Variants in NEK6 observed in about 807,000 individuals in gnomAD.
The protein encoded by NEK6 is serine/threonine-protein kinase Nek6.
NEK6 carries 27 observed loss-of-function variants against 43.5 expected under a neutral mutation model. The observed-to-expected ratio is 0.62, with a 90% CI of 0.46 to 0.86. NEK6 has a LOEUF of 0.86. Among genes scored for constraint, NEK6 ranks in the 40% least tolerant of loss-of-function variants. The pLI, the probability that NEK6 is intolerant of heterozygous loss-of-function variation, is 0.00. For synonymous variants in NEK6, 167 were observed against 164.1 expected (o/e 1.02, Z -0.14); for missense variants, 318 against 414.4 (o/e 0.77, Z 2.02).
chr9:124,305,344 T>C (rs1248618121), intron 2 of NEK6, among the ~76,000 whole-genome samples: 1 of 152,168 alleles, frequency 6.6e-6, no homozygotes, highest in Non-Finnish European at 1.5e-5. Flanking sequence ...CACCTGAGTC[T>C]GGAGTTCAAG....
intron 1 of NEK6, among the ~76,000 whole-genome samples, chr9:124,278,352 G>A (rs1831733516): frequency 1.3e-5 from 2 of 152,086 alleles, no homozygotes; most frequent in South Asian, 4.2e-4. Flanking sequence ...GTGGTACTTT[G>A]TAGGCGTTGG....
At chr9:124,286,672 C>T (rs747310577) in intron 1 of NEK6, among the ~76,000 whole-genome samples, 3 of 152,202 alleles carry the variant, frequency 2.0e-5, no homozygotes, top group South Asian at 2.1e-4. Context: ...CTGAGCCACT[C>T]GGGGCTGAGG....
chr9:124,296,922 C>T (rs918799226), intron 1 of NEK6, among the ~76,000 whole-genome samples: 5 of 152,212 alleles, frequency 3.3e-5, no homozygotes, highest in Non-Finnish European at 5.9e-5. Context: ...TTACAGCAGC[C>T]GATCCCTTCC....
At chr9:124,290,349 G>C (rs574742383) in intron 1 of NEK6, among the ~76,000 whole-genome samples, 21 of 152,254 alleles carry the variant, frequency 1.4e-4, no homozygotes, top group Non-Finnish European at 3.1e-4. Flanking sequence ...CGGCCCCCAG[G>C]GCCTGTGGAT....
rs982664529 is a variant in NEK6, at chr9:124,312,386, G to A, written c.91-123G>A. On this transcript the variant is annotated intron_variant, in intron 2 of 9. Coordinates refer to ENST00000320246, the MANE Select transcript of NEK6 (RefSeq NM_014397.6). ...GTGCCTGGGAGGCTCCCAGAGCAGG[G>A]TTGGCAGCAGAGTCCCTCCTTCACC... 12 of 1,180,366 alleles carry A rather than the reference G, an allele frequency of 1.0e-5. No individual in the cohort carries two copies. In the African/African-American group the frequency reaches 1.5e-4, roughly 15 times the overall value. The allele number at this position is 1,180,366 out of a possible 1,614,324, so 73.1% of individuals were successfully genotyped here.
intron 3 of NEK6, among the ~76,000 whole-genome samples, chr9:124,313,691 C>T (rs924195325): frequency 2.0e-5 from 3 of 152,084 alleles, no homozygotes; most frequent in Non-Finnish European, 4.4e-5. Flanking sequence ...GAGGGGCTCA[C>T]CTGGGCTCTC....
At chr9:124,344,366 C>T (rs1024043304) in intron 8 of NEK6, among the ~76,000 whole-genome samples, 6 of 152,260 alleles carry the variant, frequency 3.9e-5, no homozygotes, top group Non-Finnish European at 8.8e-5. Flanking sequence ...TGGGCATCAG[C>T]TATTACCGAG....
chr9:124,329,506 C>T (rs572089552), intron 7 of NEK6, among the ~76,000 whole-genome samples: 45 of 152,338 alleles, frequency 3.0e-4, no homozygotes, highest in Admixed American at 2.8e-3. Context: ...GGGAGAAGGC[C>T]GCCCTCATAA....
chr9:124,345,945 A>C (rs527650493), intron 8 of NEK6, among the ~76,000 whole-genome samples: 1 of 152,318 alleles, frequency 6.6e-6, no homozygotes, highest in African/African-American at 2.4e-5. Flanking sequence ...TCAGGTCAGC[A>C]GACCCCAAAA....
At chr9:124,291,833 G>A in intron 1 of NEK6, 2 of 985,672 alleles carry the variant, frequency 2.0e-6, no homozygotes, top group Non-Finnish European at 2.4e-6. Context: ...GCTGTGACAA[G>A]TTCCATTCAC....
At chr9:124,261,351 G>A (rs1564609727) in intron 1 of NEK6, 2 of 960,082 alleles carry the variant, frequency 2.1e-6, no homozygotes, top group Admixed American at 6.2e-5. Context: ...GTCAAAAGGA[G>A]AAGAATATTT....
intron 7 of NEK6, among the ~76,000 whole-genome samples, chr9:124,330,307 C>T (rs1187375455): frequency 6.6e-6 from 1 of 152,270 alleles, no homozygotes. Flanking sequence ...AGTGACAGTA[C>T]ACGCCGGCGT....
At chr9:124,289,093 A>G (rs575350358) in intron 1 of NEK6, among the ~76,000 whole-genome samples, 20 of 147,526 alleles carry the variant, frequency 1.4e-4, no homozygotes, top group African/African-American at 4.5e-4. Context: ...TGATCCTTCC[A>G]TCTCAGCCTT....
chr9:124,344,864 G>C (rs1408096), intron 8 of NEK6, among the ~76,000 whole-genome samples: 102,881 of 152,114 alleles, frequency 0.68, 35,581 homozygotes, highest in African/African-American at 0.81. Context: ...GCTTTGGAAT[G>C]CTGCTTGGAC....
chr9:124,277,437 C>T (rs1025509495), intron 1 of NEK6, among the ~76,000 whole-genome samples: 3 of 152,186 alleles, frequency 2.0e-5, no homozygotes, highest in South Asian at 2.1e-4. Context: ...GAGAGTGAGG[C>T]TCCATCTCAA....
chr9:124,326,202 T>TTCCCCCCCCCCCCCC lies in NEK6; in HGVS notation c.406-128_406-127insTCCCCCCCCCCCCCC. Reference sequence around the variant, plus strand: ...GCTTATTGTTTGCTCAGTGGCTCAATCCCCCCCCCCCGCCCCTGCCAGGCA... The same window carrying TTCCCCCCCCCCCCCC: ...GCTTATTGTTTGCTCAGTGGCTCAATTCCCCCCCCCCCCCCCCCCCCCCCCCGCCCCTGCCAGGCA... On this transcript the variant is annotated intron_variant, in intron 5 of 9. Transcript: ENST00000320246. This position sits in a 1 kb window ranked among gnomAD's most constrained non-coding sequence, Gnocchi z 4.5. The TTCCCCCCCCCCCCCC allele has an allele frequency of 8.1e-6, 1 of 124,052 alleles. No individual in the cohort carries two copies. Among genetic ancestry groups the TTCCCCCCCCCCCCCC allele is most frequent in the Non-Finnish European group, 2.0e-5 (1 of 50,618 alleles). The allele number at this position is 124,052 out of a possible 1,614,324, so 7.7% of individuals were successfully genotyped here. A position where few individuals can be genotyped will look rare whatever the true frequency, so the allele number is the denominator to read the frequency against.
At chr9:124,273,221 G>A (rs1048483724) in intron 1 of NEK6, among the ~76,000 whole-genome samples, 54 of 152,110 alleles carry the variant, frequency 3.6e-4, no homozygotes, top group African/African-American at 1.2e-3. Flanking sequence ...ACACAGCCCC[G>A]GGCGGCCTTA....
intron 4 of NEK6, among the ~76,000 whole-genome samples, chr9:124,317,505 G>A (rs923435826): frequency 5.9e-5 from 9 of 152,194 alleles, no homozygotes; most frequent in Non-Finnish European, 1.2e-4. Context: ...GAGCCACCAC[G>A]TCTGGCCCAC....
Position 124,324,184 on chromosome 9 carries a change from C to T in NEK6, c.406-2146C>T, listed in dbSNP as rs566999656. On this transcript the variant is annotated intron_variant, in intron 5 of 9. Coordinates refer to ENST00000320246, the MANE Select transcript of NEK6 (RefSeq NM_014397.6). The surrounding 1 kb of genome is among the most constrained non-coding windows in gnomAD (Gnocchi z 5.3). Reference sequence around the variant, plus strand: ...GACACGTCCCCTGGATGGCCTCAGGCGGGTCCCTGTGCCTCAGTTGCCTCA... The same window carrying T: ...GACACGTCCCCTGGATGGCCTCAGGTGGGTCCCTGTGCCTCAGTTGCCTCA... Among the ~76,000 whole-genome samples the T allele has an allele frequency of 1.3e-5, 2 of 152,328 alleles. No individual in the cohort carries two copies. The highest frequency in any genetic ancestry group is 6.5e-5 in the Admixed American group (1 of 15,300).
Sources: allele counts gnomAD v4.1 joint callset (sites outside exome capture counted in the v4.1 genomes callset), GRCh38; gene constraint gnomAD v4.1.1; non-coding constraint Gnocchi (gnomAD v3.1); transcripts MANE v1.5; gene names NCBI Gene and HGNC (gene_info 2026-07-23, HGNC 2026-07-21).